ZBTB20: variants seen among roughly 807,000 people sequenced by gnomAD.
The protein encoded by ZBTB20 is zinc finger and BTB domain containing 20, also known as zinc finger and BTB domain-containing protein 20.
A neutral mutation model predicts 56.9 loss-of-function variants in ZBTB20; 9 were observed. The ratio of observed to expected loss-of-function variants is 0.16; its 90% CI spans 0.10 to 0.28. The LOEUF is 0.28. ZBTB20 is among the 10% of genes least tolerant of loss of function. ZBTB20 has a pLI of 1.00. For missense variants in ZBTB20, 655 were observed against 1,003.0 expected (o/e 0.65, Z 4.69); for synonymous variants, 417 against 420.7 (o/e 0.99, Z 0.11).
intron 6 of ZBTB20, among the ~76,000 whole-genome samples, chr3:114,525,584 C>T (rs1182412872): frequency 6.6e-6 from 1 of 152,110 alleles, no homozygotes; most frequent in East Asian, 1.9e-4. Flanking sequence ...CTCTAAAATC[C>T]TGCTATCCCT....
chr3:114,746,729 G>A (rs1223750483), intron 5 of ZBTB20, among the ~76,000 whole-genome samples: 1 of 152,084 alleles, frequency 6.6e-6, no homozygotes, highest in African/African-American at 2.4e-5. Flanking sequence ...TTTTCCTTGT[G>A]GCGTCATGCT....
chr3:114,722,759 C>T (rs895649420), intron 5 of ZBTB20, among the ~76,000 whole-genome samples: 2 of 152,108 alleles, frequency 1.3e-5, no homozygotes, highest in East Asian at 1.9e-4. Context: ...AATGACATAC[C>T]GATGAAAACA....
Position 114,845,175 on chromosome 3 carries a change from G to C in ZBTB20, c.-416-44001C>G, listed in dbSNP as rs555055543. Among the ~76,000 whole-genome samples the C allele has an allele frequency of 2.0e-5, 3 of 151,676 alleles. No individual in the cohort carries two copies. The East Asian group carries it at 5.8e-4, about 29-fold the overall frequency. On this transcript the variant is annotated intron_variant, in intron 4 of 11. Transcript: ENST00000675478. ...TGAGTTACTTATCTTTTCACTGATG[G>C]ATCCCAAGTGGCTAGTAAAGTACTG...
chr3:115,033,629 G>A (rs1344967632), intron 2 of ZBTB20, among the ~76,000 whole-genome samples: 2 of 151,520 alleles, frequency 1.3e-5, no homozygotes, highest in African/African-American at 4.8e-5. Flanking sequence ...TCCATCAACA[G>A]ATGAATAGAT....
rs2078676731 is a variant in ZBTB20 at position 114,316,151 on chromosome 3, G to A, written c.*22854C>T. 2 of 247,090 alleles carry A rather than the reference G, an allele frequency of 8.1e-6. No individual in the cohort carries two copies. Among genetic ancestry groups the A allele is most frequent in the Non-Finnish European group, 1.6e-5 (2 of 128,412 alleles). 15.3% of individuals were successfully genotyped at this position (247,090 alleles called of 1,614,324 possible). A position where few individuals can be genotyped will look rare whatever the true frequency, so the allele number is the denominator to read the frequency against. ...AAAATGTTTTTCATAGCCAGAAACTGAAATCAAATCAACATGACTAAAAGA... is the reference window on the plus strand; with the variant it reads ...AAAATGTTTTTCATAGCCAGAAACTAAAATCAAATCAACATGACTAAAAGA... On this transcript the variant is annotated 3_prime_UTR_variant, in exon 12 of 12. Transcript: ENST00000675478.
intron 6 of ZBTB20, among the ~76,000 whole-genome samples, chr3:114,512,903 T>C (rs745439743): frequency 1.3e-5 from 2 of 152,160 alleles, no homozygotes; most frequent in East Asian, 3.9e-4. Flanking sequence ...AATTTCTGCA[T>C]TGAACAGAGG....
At chr3:114,861,894 C>A (rs2075551896) in intron 4 of ZBTB20, 1 of 152,194 alleles carries the variant, frequency 6.6e-6, no homozygotes, top group South Asian at 2.1e-4. Context: ...AAGATGCAAT[C>A]ATCCATCTGT....
At chr3:115,002,174 T>C (rs570706140) in intron 2 of ZBTB20, among the ~76,000 whole-genome samples, 3 of 151,298 alleles carry the variant, frequency 2.0e-5, no homozygotes, top group African/African-American at 7.3e-5. Flanking sequence ...TAACTGAACA[T>C]CCACATGAAA....
At chr3:114,721,839 A>C (rs928787039) in intron 5 of ZBTB20, among the ~76,000 whole-genome samples, 1 of 152,182 alleles carries the variant, frequency 6.6e-6, no homozygotes, top group African/African-American at 2.4e-5. Flanking sequence ...TTTTTGGGTT[A>C]TATTATGAAT....
chr3:114,495,034 G>A (rs1300404858), intron 7 of ZBTB20, among the ~76,000 whole-genome samples: 4 of 152,150 alleles, frequency 2.6e-5, no homozygotes, highest in Admixed American at 1.3e-4. Flanking sequence ...TTTCTAGCCT[G>A]CAAGGCTCTT....
intron 10 of ZBTB20, among the ~76,000 whole-genome samples, chr3:114,377,095 G>C (rs1367708349): frequency 6.6e-6 from 1 of 152,172 alleles, no homozygotes; most frequent in Non-Finnish European, 1.5e-5. Flanking sequence ...GGGAGCACTT[G>C]GCTCAGCTCA....
intron 6 of ZBTB20, among the ~76,000 whole-genome samples, chr3:114,577,036 T>G (rs1188724310): frequency 3.3e-5 from 5 of 152,174 alleles, no homozygotes; most frequent in African/African-American, 1.2e-4. Context: ...CAAATATTAT[T>G]TCTGCTATTT....
In ZBTB20 at chr3:114,324,295, T is replaced by C. The variant is rs1176759051; in HGVS notation, c.*14710A>G. On this transcript the variant is annotated 3_prime_UTR_variant, in exon 12 of 12. Coordinates refer to ENST00000675478, the MANE Select transcript of ZBTB20 (RefSeq NM_001348800.3). Reference sequence around the variant, plus strand: ...TGGCTCTAATGCTAAGGGGAATGGGTTCAGAAAAAGATAAAGCTTTCCTGT... The same window carrying C: ...TGGCTCTAATGCTAAGGGGAATGGGCTCAGAAAAAGATAAAGCTTTCCTGT... 1 of 152,178 alleles carries C rather than the reference T, an allele frequency of 6.6e-6. No homozygotes were observed. The highest frequency in any genetic ancestry group is 1.5e-5 in the Non-Finnish European group (1 of 68,018). The allele number at this position is 152,178 out of a possible 1,614,324, so 9.4% of individuals were successfully genotyped here. A position where few individuals can be genotyped will look rare whatever the true frequency, so the allele number is the denominator to read the frequency against.
chr3:115,013,295 C>T (rs967615038), intron 2 of ZBTB20, among the ~76,000 whole-genome samples: 1 of 150,980 alleles, frequency 6.6e-6, no homozygotes, highest in African/African-American at 2.4e-5. Flanking sequence ...AAAAGGTAAA[C>T]AAAATTGACA....
At chr3:114,993,437 T>C (rs1204104908) in intron 2 of ZBTB20, among the ~76,000 whole-genome samples, 1 of 151,780 alleles carries the variant, frequency 6.6e-6, no homozygotes, top group African/African-American at 2.4e-5. Context: ...CTAACTGATG[T>C]GTAAAAACTT....
chr3:114,717,252 A>G (rs2064549352), intron 5 of ZBTB20, among the ~76,000 whole-genome samples: 1 of 152,172 alleles, frequency 6.6e-6, no homozygotes, highest in South Asian at 2.1e-4. Flanking sequence ...AATTTCTACT[A>G]GAGAGAGGTT....
chr3:115,052,678 A>T (rs1210501934), intron 2 of ZBTB20, among the ~76,000 whole-genome samples: 1 of 152,164 alleles, frequency 6.6e-6, no homozygotes, highest in Non-Finnish European at 1.5e-5. Context: ...ACAGACACAA[A>T]AGTGAGCTAA....
chr3:114,631,673 G>A (rs1033671279), intron 6 of ZBTB20, among the ~76,000 whole-genome samples: 4 of 152,026 alleles, frequency 2.6e-5, no homozygotes, highest in African/African-American at 9.7e-5. Context: ...TTACAGGCAT[G>A]AGCCACGTGC....
chr3:114,384,762 T>C lies in ZBTB20; in HGVS notation c.-153-3822A>G, dbSNP rs560321895. Among the ~76,000 whole-genome samples, 20 of 152,312 alleles carry C rather than the reference T, an allele frequency of 1.3e-4. No homozygotes were observed. The East Asian group carries it at 3.7e-3, about 28-fold the overall frequency. ...GCAGTGAGTAAGGCTGTGGAGGATG[T>C]TGGCTCTTTCCTAACTAGACCATAT... On this transcript the variant is annotated intron_variant, in intron 8 of 11. Coordinates refer to ENST00000675478, the MANE Select transcript of ZBTB20 (RefSeq NM_001348800.3).
Sources: gnomAD v4.1 joint callset for allele counts (sites outside exome capture counted in the v4.1 genomes callset) on GRCh38, gnomAD v4.1.1 for gene constraint, MANE v1.5 for transcripts, NCBI Gene and HGNC (gene_info 2026-07-23, HGNC 2026-07-21) for gene names.